Variants in TET2 observed in about 807,000 individuals in gnomAD.
TET2 encodes the protein tet methylcytosine dioxygenase 2, also known as methylcytosine dioxygenase TET2.
TET2 carries 299 observed loss-of-function variants against 142.9 expected under a neutral mutation model. The observed-to-expected ratio is 2.09, with a 90% CI of 1.90 to 2.30. TET2 has a LOEUF of 2.30. Ranked by LOEUF, TET2 falls within the 30% of genes most tolerant of loss-of-function variation. TET2 has a pLI of 0.00. For synonymous variants in TET2, 819 were observed against 849.0 expected (o/e 0.96, Z 0.61); for missense variants, 2,418 against 2,378.0 (o/e 1.02, Z -0.35).
intron 2 of TET2, among the ~76,000 whole-genome samples, chr4:105,231,111 C>T (rs974559330): frequency 1.3e-5 from 2 of 152,088 alleles, no homozygotes; most frequent in African/African-American, 4.8e-5. Context: ...CAAACACAAA[C>T]TATTTTAAGT....
intron 1 of TET2, among the ~76,000 whole-genome samples, chr4:105,173,905 CTT>C (rs1724626437): frequency 6.6e-6 from 1 of 152,024 alleles, no homozygotes. Context: ...AAAATATTGA[CTT>C]AGGTAGATAT....
At position 105,235,153 on chromosome 4, in the gene TET2, TGC is replaced by T; in HGVS notation, c.1212_1213del (p.Leu404PhefsTer38). The T allele has an allele frequency of 6.2e-7, 1 of 1,613,722 alleles. No individual in the cohort carries two copies. Among genetic ancestry groups the T allele is most frequent in the Non-Finnish European group, 8.5e-7 (1 of 1,179,846 alleles). Reference sequence around the variant, plus strand: ...ACCACACCACCACCACCATCACAATTGCTTCTTTCTCCCCCTCCTCCTCTTCC... The same window carrying T: ...ACCACACCACCACCACCATCACAATTTTCTTTCTCCCCCTCCTCCTCTTCC... On this transcript the variant is annotated frameshift_variant, in exon 3 of 11. Transcript: ENST00000380013. LOFTEE classifies it high-confidence loss of function.
At chr4:105,211,247 A>C (rs941702016) in intron 2 of TET2, among the ~76,000 whole-genome samples, 1 of 152,146 alleles carries the variant, frequency 6.6e-6, no homozygotes, top group South Asian at 2.1e-4. Context: ...CTCTATCTAA[A>C]TAGTCCTGTT....
Position 105,234,877 on chromosome 4 carries a change from A to T in TET2, c.935A>T (p.Asn312Ile), listed in dbSNP as rs773130345. 2 of 1,613,988 alleles carry T rather than the reference A, an allele frequency of 1.2e-6. No individual in the cohort carries two copies. The highest frequency in any genetic ancestry group is 3.3e-5 in the Admixed American group (2 of 59,992). ...DNASKLAAML[N>I]TCSFQKPEQL... is the part of the protein sequence containing the mutation. The stretch of plus-strand genomic sequence containing the variant: ...GCCAGTAAACTAGCTGCAATGCTAA[A>T]TACCTGTTCCTTTCAGAAACCAGAA... Residue 312 changes from asparagine (N) to isoleucine (I), a missense_variant, in exon 3 of 11, where the codon AAT becomes ATT. By Grantham distance (149) the Asn-to-Ile change is moderately radical (BLOSUM62 -3). Coordinates refer to ENST00000380013, the MANE Select transcript of TET2 (RefSeq NM_001127208.3).
At chr4:105,152,594 CTT>C (rs1560708461) in intron 1 of TET2, among the ~76,000 whole-genome samples, 2 of 95,322 alleles carry the variant, frequency 2.1e-5, no homozygotes, top group Admixed American at 1.2e-4. Context: ...TTCTTTCTTT[CTT>C]TCTTTTTTTT....
At chr4:105,249,059 G>A (rs1279898451) in intron 6 of TET2, among the ~76,000 whole-genome samples, 1 of 138,046 alleles carries the variant, frequency 7.2e-6, no homozygotes, top group East Asian at 2.1e-4. Flanking sequence ...ACAGAGTCTC[G>A]CTCTGTTGCC....
In TET2 at chr4:105,148,059, TACACAC is replaced by T. The variant is rs146633281; in HGVS notation, c.-193+1099_-193+1104del. On this transcript the variant is annotated intron_variant, in intron 1 of 10. Coordinates refer to ENST00000380013, the MANE Select transcript of TET2 (RefSeq NM_001127208.3). ...CTTTCTTCTCTCTCTCTCATACACA[TACACAC>T]ACACACACACACACACACCTCACTC... 4.1e-5 allele frequency among the ~76,000 whole-genome samples: 6 copies of T among 147,828 alleles called. No individual in the cohort carries two copies. In the East Asian group the frequency reaches 5.9e-4, roughly 15 times the overall value.
At chr4:105,252,949 A>G (rs1011648596) in intron 6 of TET2, among the ~76,000 whole-genome samples, 3 of 152,106 alleles carry the variant, frequency 2.0e-5, no homozygotes, top group African/African-American at 7.2e-5. Context: ...ATTATAATTA[A>G]GTGGTCTGTT....
rs563505976 is a variant in TET2, at chr4:105,277,950, T to C, written c.*1431T>C. 1 of 214,856 alleles carries C rather than the reference T, an allele frequency of 4.7e-6. No individual in the cohort carries two copies. The highest frequency in any genetic ancestry group is 6.9e-5 in the East Asian group (1 of 14,584). 13.3% of individuals were successfully genotyped at this position (214,856 alleles called of 1,614,324 possible). A position where few individuals can be genotyped will look rare whatever the true frequency, so the allele number is the denominator to read the frequency against. On this transcript the variant is annotated 3_prime_UTR_variant, in exon 11 of 11. Transcript: ENST00000380013. ...TAAGTGTCCTCTTTAACAAGAGGAT[T>C]GAGCAGACTGATGCCTGCATAAGAT...
chr4:105,169,334 T>C (rs1357926936), intron 1 of TET2, among the ~76,000 whole-genome samples: 1 of 152,240 alleles, frequency 6.6e-6, no homozygotes, highest in Admixed American at 6.5e-5. Flanking sequence ...ATTAGTGATA[T>C]TGAACATTTT....
At chr4:105,168,781 C>T (rs1027719475) in intron 1 of TET2, among the ~76,000 whole-genome samples, 9 of 152,096 alleles carry the variant, frequency 5.9e-5, no homozygotes, top group African/African-American at 1.9e-4. Context: ...TTGTGTCATT[C>T]TTATGCCTTT....
chr4:105,147,706 C>A (rs1159157982), intron 1 of TET2: 1 of 152,186 alleles, frequency 6.6e-6, no homozygotes, highest in Non-Finnish European at 1.5e-5. Context: ...CTGGGCTGAG[C>A]CTTCCAGCCT....
chr4:105,181,955 A>T (rs1437818006), intron 1 of TET2, among the ~76,000 whole-genome samples: 1 of 151,934 alleles, frequency 6.6e-6, no homozygotes, highest in Non-Finnish European at 1.5e-5. Context: ...TCAACCTCAT[A>T]CTTTCATTTT....
intron 6 of TET2, among the ~76,000 whole-genome samples, chr4:105,247,770 G>T (rs1396006522): frequency 7.4e-6 from 1 of 134,310 alleles, no homozygotes; most frequent in Non-Finnish European, 1.5e-5. Flanking sequence ...CGCTTAGGCT[G>T]GAGTGCAGTG....
intron 1 of TET2, among the ~76,000 whole-genome samples, chr4:105,152,903 A>G (rs906926804): frequency 6.6e-6 from 1 of 151,736 alleles, no homozygotes; most frequent in Non-Finnish European, 1.5e-5. Context: ...GGTCTAATCT[A>G]TTTTCAATGT....
chr4:105,271,170 CCATA>C (rs1198993221), intron 9 of TET2, among the ~76,000 whole-genome samples: 9 of 152,214 alleles, frequency 5.9e-5, no homozygotes, highest in Non-Finnish European at 1.0e-4. Context: ...AGTTTACTGG[CCATA>C]CAAACACAAG....
chr4:105,159,274 C>T (rs115905992), intron 1 of TET2, among the ~76,000 whole-genome samples: 2 of 133,952 alleles, frequency 1.5e-5, no homozygotes, highest in African/African-American at 2.9e-5. Context: ...TTTTTTGAGA[C>T]GGAGTTTCGC....
chr4:105,220,439 C>T (rs931698390), intron 2 of TET2, among the ~76,000 whole-genome samples: 12 of 152,082 alleles, frequency 7.9e-5, no homozygotes, highest in African/African-American at 2.7e-4. Flanking sequence ...TTAAAACTCC[C>T]AACTCAAGCC....
chr4:105,227,507 A>G (rs570151963), intron 2 of TET2, among the ~76,000 whole-genome samples: 5 of 131,120 alleles, frequency 3.8e-5, no homozygotes, highest in Admixed American at 1.4e-4. Context: ...CTTCAATAGC[A>G]AGGTGTTTGA....
Sources: allele counts gnomAD v4.1 joint callset (sites outside exome capture counted in the v4.1 genomes callset), GRCh38; gene constraint gnomAD v4.1.1; transcripts MANE v1.5; gene names NCBI Gene and HGNC (gene_info 2026-07-23, HGNC 2026-07-21).